ZNF593OS: variants seen among roughly 807,000 people sequenced by gnomAD.
ZNF593OS encodes the protein transmembrane protein ZNF593OS.
rs2088500573 is a variant in ZNF593OS, at chr1:26,171,828, G to C, written c.-167C>G. 1 of 395,984 alleles carries C rather than the reference G, an allele frequency of 2.5e-6. No individual in the cohort carries two copies. Among genetic ancestry groups the C allele is most frequent in the Admixed American group, 4.4e-5 (1 of 22,674 alleles). The allele number at this position is 395,984 out of a possible 1,614,324, so 24.5% of individuals were successfully genotyped here. Reference sequence around the variant, plus strand: ...ATGCTCACCCGCGCCTGCCTGCCCAGGTCTGGCAGGGGGCGGAGCAACTGG... The same window carrying C: ...ATGCTCACCCGCGCCTGCCTGCCCACGTCTGGCAGGGGGCGGAGCAACTGG... On this transcript the variant is annotated 5_prime_UTR_variant, in exon 1 of 2. Coordinates refer to ENST00000648649, the Ensembl canonical transcript of ZNF593OS. The surrounding 1 kb of genome is among the most constrained non-coding windows in gnomAD (Gnocchi z 5.5).
At chr1:26,170,485 G>C, downstream of ZNF593OS, 8 of 1,614,204 alleles carry the variant, frequency 5.0e-6, no homozygotes, top group Non-Finnish European at 5.9e-6. Context: ...GAAAAGGTAT[G>C]AAGGAGTAAG....
At chr1:26,170,969 C>T (rs1166405390) in exon 2 of ZNF593OS, 2 of 583,488 alleles carry the variant, frequency 3.4e-6, no homozygotes, top group Admixed American at 6.1e-5. Flanking sequence ...AGGGTGTCTA[C>T]TCCCCACTTG....
exon 2 of ZNF593OS, chr1:26,170,706 C>T (rs1276244986): frequency 1.2e-6 from 2 of 1,605,998 alleles, no homozygotes; most frequent in South Asian, 1.1e-5. Context: ...GAGATGGATA[C>T]CTCTACCTGA....
downstream of ZNF593OS, chr1:26,170,393 C>A (rs1249363082): frequency 6.2e-7 from 1 of 1,609,050 alleles, no homozygotes; most frequent in East Asian, 2.2e-5. Flanking sequence ...CCTCCTCACT[C>A]TCCTTCTCAC....
rs2088497406 is a variant in ZNF593OS at position 26,171,542 on chromosome 1, G to A, written c.45+75C>T. 1 of 398,552 alleles carries A rather than the reference G, an allele frequency of 2.5e-6. No homozygotes were observed. Among genetic ancestry groups the A allele is most frequent in the Non-Finnish European group, 4.4e-6 (1 of 226,130 alleles). 24.7% of individuals were successfully genotyped at this position (398,552 alleles called of 1,614,324 possible). ...CAGGGAACGTGACAGCCTGGCTGTT[G>A]GGGGTGTCAACCCAGCTATGGTAGG... is the stretch of plus-strand genomic sequence containing the variant. On this transcript the variant is annotated intron_variant, in intron 1 of 1. Transcript: ENST00000648649. The surrounding 1 kb of genome is among the most constrained non-coding windows in gnomAD (Gnocchi z 5.5).
chr1:26,170,529 G>C, exon 2 of ZNF593OS: 1 of 1,614,128 alleles, frequency 6.2e-7, no homozygotes, highest in Non-Finnish European at 8.5e-7. Flanking sequence ...CAGCAGATAG[G>C]GCTCTCACCT....
chr1:26,170,787 G>A lies in ZNF593OS; in HGVS notation c.*402C>T, dbSNP rs1379236824. The A allele has an allele frequency of 8.4e-6, 13 of 1,538,544 alleles. No homozygotes were observed. In the East Asian group the frequency reaches 9.0e-5, roughly 11 times the overall value. On this transcript the variant is annotated 3_prime_UTR_variant, in exon 2 of 2. Coordinates refer to ENST00000648649, the Ensembl canonical transcript of ZNF593OS. ...CGCAAGGACTAGGCTGGGAGGGAGC[G>A]TGCCAACCCCTTTTGCCTCTGGGTT...
chr1:26,171,588 G>T lies in ZNF593OS; in HGVS notation c.45+29C>A. ...GTAGGGGGAGGAAGGGGTCAGTCGT[G>T]CCAGAAACCGTTGATCAGGGGTACT... On this transcript the variant is annotated intron_variant, in intron 1 of 1. Transcript: ENST00000648649. This position sits in a 1 kb window ranked among gnomAD's most constrained non-coding sequence, Gnocchi z 5.5. 2.5e-6 allele frequency: 1 copy of T among 398,640 alleles called. No homozygotes were observed. The highest frequency in any genetic ancestry group is 2.1e-5 in the African/African-American group (1 of 48,740). 24.7% of individuals were successfully genotyped at this position (398,640 alleles called of 1,614,324 possible).
chr1:26,169,634 T>C (rs1331198462), downstream of ZNF593OS: 2 of 335,676 alleles, frequency 6.0e-6, no homozygotes, highest in Non-Finnish European at 1.1e-5. Flanking sequence ...ATGACAGGAG[T>C]ACAGGTTGGC....
chr1:26,170,011 C>T (rs931085067), downstream of ZNF593OS: 1 of 1,558,950 alleles, frequency 6.4e-7, no homozygotes, highest in Non-Finnish European at 8.7e-7. Context: ...GACAGGCGCG[C>T]ACCGAGCGCA....
chr1:26,170,937 C>G lies in ZNF593OS; in HGVS notation c.*252G>C, dbSNP rs2088490780. The G allele has an allele frequency of 3.5e-5, 22 of 627,312 alleles. No homozygotes were observed. The South Asian group carries it at 4.5e-4, about 13-fold the overall frequency. The allele number at this position is 627,312 out of a possible 1,614,324, so 38.9% of individuals were successfully genotyped here. ...CTCCTGCCCTGGAAGGGCTTCTCTA[C>G]TACTTTCTGTACACCAGGCCTAGGG... is the stretch of plus-strand genomic sequence containing the variant. On this transcript the variant is annotated 3_prime_UTR_variant, in exon 2 of 2. Transcript: ENST00000648649.
At position 26,171,444 on chromosome 1, in the gene ZNF593OS, G is replaced by A. The variant is rs1032672736; in HGVS notation, c.46-109C>T. ...GCTAGGGGAAGGAGACATGGACGCC[G>A]GTCCTGCCCCAGGGAGATTCCACCC... On this transcript the variant is annotated intron_variant, in intron 1 of 1. Transcript: ENST00000648649. The surrounding 1 kb of genome is among the most constrained non-coding windows in gnomAD (Gnocchi z 5.5). The A allele has an allele frequency of 5.5e-5, 22 of 398,668 alleles. No homozygotes were observed. The highest frequency in any genetic ancestry group is 8.0e-5 in the Non-Finnish European group (18 of 226,368). 24.7% of individuals were successfully genotyped at this position (398,668 alleles called of 1,614,324 possible).
chr1:26,170,751 A>G (rs1473802966), exon 2 of ZNF593OS: 1 of 1,587,652 alleles, frequency 6.3e-7, no homozygotes, highest in Non-Finnish European at 8.5e-7. Context: ...GGAATTGCCC[A>G]TGGACAGTGA....
downstream of ZNF593OS, chr1:26,169,927 A>C (rs1569860110): frequency 6.8e-7 from 1 of 1,477,016 alleles, no homozygotes; most frequent in South Asian, 1.3e-5. Flanking sequence ...GGAAGTGCTC[A>C]CACGTGTGCT....
At chr1:26,170,747 G>T (rs780105407) in exon 2 of ZNF593OS, 1 of 1,590,228 alleles carries the variant, frequency 6.3e-7, no homozygotes, top group East Asian at 2.2e-5. Context: ...CAGAGGAATT[G>T]CCCATGGACA....
rs2088496683 is a variant in ZNF593OS at position 26,171,429 on chromosome 1, G to A, written c.46-94C>T. ...GGCTGAGTAGATGTAGCTAGGGGAA[G>A]GAGACATGGACGCCGGTCCTGCCCC... On this transcript the variant is annotated intron_variant, in intron 1 of 1. Transcript: ENST00000648649. The surrounding 1 kb of genome is among the most constrained non-coding windows in gnomAD (Gnocchi z 5.5). 2.5e-6 allele frequency: 1 copy of A among 398,968 alleles called. No homozygotes were observed. Among genetic ancestry groups the A allele is most frequent in the Non-Finnish European group, 4.4e-6 (1 of 226,412 alleles). 24.7% of individuals were successfully genotyped at this position (398,968 alleles called of 1,614,324 possible).
At position 26,171,337 on chromosome 1, in the gene ZNF593OS, T is replaced by G. The variant is rs145977120; in HGVS notation, c.46-2A>C. Reference sequence around the variant, plus strand: ...CTTCAGCTCACCAGCTACCTGCATCTGGAGGTGCACAGAGGGTGTGCCTCA... The same window carrying G: ...CTTCAGCTCACCAGCTACCTGCATCGGGAGGTGCACAGAGGGTGTGCCTCA... On this transcript the variant is annotated splice_acceptor_variant, in intron 1 of 1. Coordinates refer to ENST00000648649, the Ensembl canonical transcript of ZNF593OS. LOFTEE classifies it high-confidence loss of function. This position sits in a 1 kb window ranked among gnomAD's most constrained non-coding sequence, Gnocchi z 5.5. 1.9e-4 allele frequency: 76 copies of G among 401,116 alleles called. No homozygotes were observed. In the East Asian group the frequency reaches 2.7e-3, roughly 14 times the overall value. The allele number at this position is 401,116 out of a possible 1,614,324, so 24.8% of individuals were successfully genotyped here.
downstream of ZNF593OS, chr1:26,170,415 C>G: frequency 6.2e-7 from 1 of 1,613,464 alleles, no homozygotes. Context: ...TCCATTCCTA[C>G]AGGAGGTACT....
downstream of ZNF593OS, chr1:26,170,166 C>T: frequency 6.4e-7 from 1 of 1,571,274 alleles, no homozygotes; most frequent in Non-Finnish European, 8.6e-7. Flanking sequence ...GCGGTCTGCA[C>T]CGCTGTCTGG....
Sources: allele counts gnomAD v4.1 joint callset, GRCh38; gene constraint gnomAD v4.1.1; non-coding constraint Gnocchi (gnomAD v3.1); transcripts MANE v1.5; gene names NCBI Gene and HGNC (gene_info 2026-07-23, HGNC 2026-07-21).